The following FOXP1 variants were observed in gnomAD, a reference collection of about 807,000 sequenced individuals.
FOXP1 encodes forkhead box P1.
A neutral mutation model predicts 98.2 loss-of-function variants in FOXP1; 15 were observed. The observed-to-expected ratio is 0.15, with a 90% confidence interval of 0.10 to 0.24. FOXP1 has a LOEUF of 0.24. Ranked by LOEUF, FOXP1 falls within the 10% of genes least tolerant of loss-of-function variation. The pLI is 1.00. For synonymous variants in FOXP1, 371 were observed against 314.5 expected, an observed-to-expected ratio of 1.18 and a Z score of -1.90; for missense variants, 633 against 848.5, an observed-to-expected ratio of 0.75 and a Z score of 3.15.
chr3:70,981,905 C>G (rs2038933842), intron 14 of FOXP1, among the ~76,000 whole-genome samples: 1 of 152,208 alleles, frequency 6.6e-6, no homozygotes, highest in South Asian at 2.1e-4. Flanking sequence ...AAAAGCTGTA[C>G]ACTCCAAACA....
At chr3:71,047,301 C>T (rs761507356) in intron 9 of FOXP1, among the ~76,000 whole-genome samples, 3 of 152,060 alleles carry the variant, frequency 2.0e-5, no homozygotes, top group South Asian at 2.1e-4. Context: ...TTCTACTGCC[C>T]GCTCCCATAA....
At chr3:71,567,118 G>A (rs1403561101) in intron 2 of FOXP1, among the ~76,000 whole-genome samples, 1 of 152,138 alleles carries the variant, frequency 6.6e-6, no homozygotes, top group Admixed American at 6.5e-5. Context: ...AAGCACAGGA[G>A]ATAAGATTTT....
At chr3:71,094,278 C>CTTTTTTT (rs1180804992) in intron 7 of FOXP1, among the ~76,000 whole-genome samples, 19 of 127,824 alleles carry the variant, frequency 1.5e-4, no homozygotes, top group Middle Eastern at 3.7e-3. Context: ...TTTTTCTTTT[C>CTTTTTTT]TTTTTTTTTT....
intron 10 of FOXP1, among the ~76,000 whole-genome samples, chr3:71,046,741 G>C (rs2049083576): frequency 6.6e-6 from 1 of 152,182 alleles, no homozygotes; most frequent in African/African-American, 2.4e-5. Flanking sequence ...TAAGCCTTCA[G>C]ACCACCCTGA....
chr3:71,374,097 G>A (rs2079537114), intron 3 of FOXP1, among the ~76,000 whole-genome samples: 2 of 152,088 alleles, frequency 1.3e-5, no homozygotes, highest in African/African-American at 4.8e-5. Flanking sequence ...AAATATTGAC[G>A]GTGTACGTTT....
At chr3:71,233,362 T>C (rs1245142297) in intron 5 of FOXP1, among the ~76,000 whole-genome samples, 1 of 152,074 alleles carries the variant, frequency 6.6e-6, no homozygotes, top group Non-Finnish European at 1.5e-5. Flanking sequence ...GCTGAGCTTC[T>C]GTAAATCCAC....
intron 6 of FOXP1, among the ~76,000 whole-genome samples, chr3:71,181,363 G>A (rs4677030): frequency 0.47 from 71,405 of 152,122 alleles, 17,620 homozygotes; most frequent in African/African-American, 0.62. Flanking sequence ...GTTGGCTATT[G>A]TGCCAAGGTC....
intron 4 of FOXP1, among the ~76,000 whole-genome samples, chr3:71,346,491 T>C (rs1157283476): frequency 2.6e-5 from 4 of 152,328 alleles, no homozygotes; most frequent in Admixed American, 2.0e-4. Flanking sequence ...ATAAATTTAA[T>C]TAATACAACC....
chr3:71,497,206 C>T (rs559486643), intron 2 of FOXP1, among the ~76,000 whole-genome samples: 80 of 152,058 alleles, frequency 5.3e-4, no homozygotes, highest in African/African-American at 1.8e-3. Flanking sequence ...CACCCGCCTA[C>T]GTAGAATTGT....
intron 2 of FOXP1, among the ~76,000 whole-genome samples, chr3:71,554,648 A>T (rs1247002732): frequency 1.3e-5 from 2 of 152,240 alleles, no homozygotes; most frequent in Admixed American, 6.5e-5. Flanking sequence ...GAAGTTCTGT[A>T]AACAGTGCAA....
At chr3:71,034,260 G>C (rs1473343260) in intron 11 of FOXP1, among the ~76,000 whole-genome samples, 1 of 152,174 alleles carries the variant, frequency 6.6e-6, no homozygotes, top group African/African-American at 2.4e-5. Context: ...ATCTGGACTT[G>C]ATCCGGAGCT....
intron 4 of FOXP1, among the ~76,000 whole-genome samples, chr3:71,309,753 G>A (rs145676823): frequency 4.2e-4 from 64 of 151,784 alleles, no homozygotes; most frequent in East Asian, 4.1e-3. Context: ...TTTTGTTGTC[G>A]TTATCTGTTC....
rs193023085 is a variant in FOXP1 at position 71,442,146 on chromosome 3, C to G, written c.-168+51280G>C. 9.3e-4 allele frequency among the ~76,000 whole-genome samples: 142 copies of G among 152,272 alleles called. 1 individual carries two copies. The highest frequency in any genetic ancestry group is 3.3e-3 in the African/African-American group (137 of 41,532). ...AGCCCTGTTCAGACTTGGTGCCCCACTTTTGTGGAGCTTGACCATATATGT... is the reference window on the plus strand; with the variant it reads ...AGCCCTGTTCAGACTTGGTGCCCCAGTTTTGTGGAGCTTGACCATATATGT... On this transcript the variant is annotated intron_variant, in intron 3 of 20. Coordinates refer to ENST00000649528, the MANE Select transcript of FOXP1 (RefSeq NM_001349338.3).
chr3:71,499,808 A>G (rs1024101418), intron 2 of FOXP1, among the ~76,000 whole-genome samples: 16 of 152,248 alleles, frequency 1.1e-4, no homozygotes, highest in Admixed American at 8.5e-4. Context: ...GACAATGCTG[A>G]ACCCAGTTCA....
In FOXP1 at chr3:71,307,554, T is replaced by C. The variant is rs531350688; in HGVS notation, c.-72-7674A>G. On this transcript the variant is annotated intron_variant, in intron 4 of 20. Transcript: ENST00000649528. Reference sequence around the variant, plus strand: ...TGAAGACGCTGATTTTGTCCACCCTTTTGCCTTGAAATGACCTTCCAAATA... The same window carrying C: ...TGAAGACGCTGATTTTGTCCACCCTCTTGCCTTGAAATGACCTTCCAAATA... Among the ~76,000 whole-genome samples, 15 of 152,320 alleles carry C rather than the reference T, an allele frequency of 9.8e-5. No individual in the cohort carries two copies. The East Asian group carries it at 2.7e-3, about 27-fold the overall frequency.
At chr3:71,521,154 G>A (rs1016195382) in intron 2 of FOXP1, among the ~76,000 whole-genome samples, 1 of 152,062 alleles carries the variant, frequency 6.6e-6, no homozygotes, top group African/African-American at 2.4e-5. Flanking sequence ...AGCAAGGAAA[G>A]CTCCTGAAAG....
intron 7 of FOXP1, among the ~76,000 whole-genome samples, chr3:71,099,170 AG>A (rs2056741554): frequency 6.6e-6 from 1 of 152,226 alleles, no homozygotes; most frequent in African/African-American, 2.4e-5. Context: ...GCCAGTACCT[AG>A]TGAACTAAAT....
At chr3:71,100,030 C>T (rs930972514) in intron 7 of FOXP1, among the ~76,000 whole-genome samples, 4 of 152,168 alleles carry the variant, frequency 2.6e-5, no homozygotes, top group African/African-American at 9.7e-5. Context: ...TTAGACTTCC[C>T]AGAGAAAAAG....
At chr3:71,041,239 T>C in intron 11 of FOXP1, 89 bp downstream of exon 11, 1 of 990,652 alleles carries the variant, frequency 1.0e-6, no homozygotes, top group Non-Finnish European at 1.6e-6. Context: ...TGGATCCAAT[T>C]AGGGATCACT....
Sources: allele counts gnomAD v4.1 joint callset (sites outside exome capture counted in the v4.1 genomes callset), GRCh38; gene constraint gnomAD v4.1.1; transcripts MANE v1.5; gene names NCBI Gene and HGNC (gene_info 2026-07-23, HGNC 2026-07-21).